Variants in STC2 observed in about 807,000 individuals in gnomAD.
STC2 encodes the protein stanniocalcin-2.
STC2 carries 7 observed loss-of-function variants against 22.7 expected under a neutral mutation model. The ratio of observed to expected loss-of-function variants is 0.31; its 90% confidence interval spans 0.18 to 0.58. The LOEUF (loss-of-function observed/expected upper bound fraction) is 0.58. STC2 is among the 20% of genes least tolerant of loss of function. The probability of loss-of-function intolerance (pLI) is 0.89; values close to 1 mark genes in which losing one functional copy is unlikely to be tolerated. For missense variants in STC2, 336 were observed against 406.2 expected (o/e 0.83, Z 1.48); for synonymous variants, 158 against 163.4 (o/e 0.97, Z 0.25).
At chr5:173,326,319 A>G (rs1762545439) in intron 1 of STC2, among the ~76,000 whole-genome samples, 1 of 152,182 alleles carries the variant, frequency 6.6e-6, no homozygotes, top group African/African-American at 2.4e-5. Flanking sequence ...ATTTGTGGGA[A>G]TACTTAGTTT....
Position 173,325,990 on chromosome 5 carries a change from C to A in STC2, c.172G>T (p.Val58Phe). 1.9e-6 allele frequency: 3 copies of A among 1,614,140 alleles called. No individual in the cohort carries two copies. The highest frequency in any genetic ancestry group is 2.5e-6 in the Non-Finnish European group (3 of 1,180,040). The change falls in exon 2 of 4, where the codon GTC (valine) becomes TTC (phenylalanine). Residue 58 changes from valine (V) to phenylalanine (F), a missense_variant. Around this residue, in one of 3 missense-constraint regions of STC2, gnomAD observed 99 missense variants for 122.7 expected, o/e 0.81. Transcript: ENST00000265087. The surrounding 1 kb of genome is among the most constrained non-coding windows in gnomAD (Gnocchi z 4.7). ...CCACACCCCACATCGCCAGCGTTGA[C>A]CAAACAGTGCTGGATCTCCGCTAAA... is the stretch of plus-strand genomic sequence containing the variant. ...QNTAEIQHCL[V>F]NAGDVGCGVF...
At chr5:173,327,452 C>G (rs2113142663) in intron 1 of STC2, among the ~76,000 whole-genome samples, 1 of 152,382 alleles carries the variant, frequency 6.6e-6, no homozygotes, top group East Asian at 1.9e-4. Flanking sequence ...TGGCCAGGAG[C>G]TGGGGATGGC....
Position 173,323,630 on chromosome 5 carries a change from C to T in STC2, c.295-200G>A, listed in dbSNP as rs1348400170. On this transcript the variant is annotated intron_variant, in intron 2 of 3. Transcript: ENST00000265087. The surrounding 1 kb of genome is among the most constrained non-coding windows in gnomAD (Gnocchi z 5.4). ...GCACGTCCAGAGTGACATGACACCC[C>T]CAGCACTGGGCAACAAGGGATGTTC... is the stretch of plus-strand genomic sequence containing the variant. Among the ~76,000 whole-genome samples, 2 of 152,204 alleles carry T rather than the reference C, an allele frequency of 1.3e-5. No homozygotes were observed. The highest frequency in any genetic ancestry group is 4.8e-5 in the African/African-American group (2 of 41,446).
intron 1 of STC2, 149 bp downstream of exon 1, chr5:173,327,894 G>C (rs555619466): frequency 1.9e-6 from 2 of 1,049,414 alleles, no homozygotes; most frequent in East Asian, 3.1e-5. Context: ...GCCTTGCCTC[G>C]CGCTTCCCTT....
At chr5:173,327,787 C>G (rs1214417991) in intron 1 of STC2, among the ~76,000 whole-genome samples, 2 of 152,232 alleles carry the variant, frequency 1.3e-5, no homozygotes, top group South Asian at 2.1e-4. Flanking sequence ...CATTTCCCCT[C>G]GACCCTGGGG....
intron 3 of STC2, among the ~76,000 whole-genome samples, chr5:173,320,533 G>A (rs1247171945): frequency 6.6e-6 from 1 of 152,192 alleles, no homozygotes; most frequent in Non-Finnish European, 1.5e-5. Flanking sequence ...ATACTTGGAG[G>A]GGGATGTGCC....
Position 173,317,702 on chromosome 5 carries a change from G to A in STC2, c.*145C>T, listed in dbSNP as rs1762438177. ...GGTCTCCATCTCACCTGTCCGTTCC[G>A]CGAACACACACCTCGATGAAGTCCA... On this transcript the variant is annotated 3_prime_UTR_variant, in exon 4 of 4. Coordinates refer to ENST00000265087, the MANE Select transcript of STC2 (RefSeq NM_003714.3). 2.6e-6 allele frequency: 3 copies of A among 1,167,950 alleles called. No homozygotes were observed. The highest frequency in any genetic ancestry group is 1.2e-6 in the Non-Finnish European group (1 of 859,228). 72.3% of individuals were successfully genotyped at this position (1,167,950 alleles called of 1,614,324 possible). A position where few individuals can be genotyped will look rare whatever the true frequency, so the allele number is the denominator to read the frequency against.
intron 1 of STC2, among the ~76,000 whole-genome samples, chr5:173,327,643 T>C (rs1467366660): frequency 6.6e-6 from 1 of 152,156 alleles, no homozygotes; most frequent in East Asian, 1.9e-4. Context: ...GAAGAGAAGT[T>C]CTCCGGGCGC....
intron 1 of STC2, among the ~76,000 whole-genome samples, chr5:173,327,568 TG>T (rs1762565463): frequency 6.6e-6 from 1 of 152,232 alleles, no homozygotes; most frequent in Non-Finnish European, 1.5e-5. Flanking sequence ...GGCAAAGTTC[TG>T]GGATGTCGGG....
chr5:173,327,981 G>T, intron 1 of STC2, 62 bp downstream of exon 1: 1 of 1,389,134 alleles, frequency 7.2e-7, no homozygotes, highest in Non-Finnish European at 9.4e-7. Context: ...CCTGGGGCGC[G>T]CCGCGTGGGT....
rs1235506361 is a variant in STC2 at position 173,325,802 on chromosome 5, T to A, written c.294+66A>T. On this transcript the variant is annotated intron_variant, in intron 2 of 3. Coordinates refer to ENST00000265087, the MANE Select transcript of STC2 (RefSeq NM_003714.3). This position sits in a 1 kb window ranked among gnomAD's most constrained non-coding sequence, Gnocchi z 4.7. The stretch of plus-strand genomic sequence containing the variant: ...CAAAGGAAGTTGGTTAACAAGGCTT[T>A]CCAATGAACGTTTCAATCATGTATG... 2 of 1,603,754 alleles carry A rather than the reference T, an allele frequency of 1.2e-6. No individual in the cohort carries two copies. Among genetic ancestry groups the A allele is most frequent in the Admixed American group, 1.7e-5 (1 of 59,718 alleles).
chr5:173,317,713 C>T lies in STC2; in HGVS notation c.*134G>A, dbSNP rs966156304. ...CACCTGTCCGTTCCGCGAACACACA[C>T]CTCGATGAAGTCCACAGTCCCCACA... On this transcript the variant is annotated 3_prime_UTR_variant, in exon 4 of 4. Transcript: ENST00000265087. The T allele has an allele frequency of 2.5e-5, 31 of 1,265,290 alleles. No homozygotes were observed. In the African/African-American group the frequency reaches 4.2e-4, roughly 17 times the overall value. 78.4% of individuals were successfully genotyped at this position (1,265,290 alleles called of 1,614,324 possible).
chr5:173,323,232 A>G lies in STC2; in HGVS notation c.493T>C (p.Leu165=), dbSNP rs147265120. Residue 165 remains leucine (L), a synonymous_variant, in exon 3 of 4, where the codon TTG becomes CTG. Coordinates refer to ENST00000265087, the MANE Select transcript of STC2 (RefSeq NM_003714.3). This position sits in a 1 kb window ranked among gnomAD's most constrained non-coding sequence, Gnocchi z 5.4. ...VIVEMIHFKD[L]LLHEPYVDLV... ...GGCAGTACTCACTCGTGCAGCAGCA[A>G]GTCCTTGAAATGGATCATCTCCACT... 6.1e-3 allele frequency: 9,924 copies of G among 1,614,166 alleles called. 43 individuals are homozygous for G. The highest frequency in any genetic ancestry group is 6.8e-3 in the Non-Finnish European group (8,040 of 1,180,030).
chr5:173,325,738 C>T lies in STC2; in HGVS notation c.294+130G>A. 7.9e-7 allele frequency: 1 copy of T among 1,261,786 alleles called. No individual in the cohort carries two copies. The highest frequency in any genetic ancestry group is 1.8e-5 in the Admixed American group (1 of 54,934). The allele number at this position is 1,261,786 out of a possible 1,614,324, so 78.2% of individuals were successfully genotyped here. ...ACTGGCATAATGTTTTATACCTAGACTGTCGCTTGCAAGCACTAAAACACA... is the reference window on the plus strand; with the variant it reads ...ACTGGCATAATGTTTTATACCTAGATTGTCGCTTGCAAGCACTAAAACACA... On this transcript the variant is annotated intron_variant, in intron 2 of 3. Transcript: ENST00000265087. This position sits in a 1 kb window ranked among gnomAD's most constrained non-coding sequence, Gnocchi z 4.7.
In STC2 at chr5:173,315,939, G is replaced by C. The variant is rs1299675879; in HGVS notation, c.*1908C>G. The C allele has an allele frequency of 6.6e-6, 1 of 152,250 alleles. No individual in the cohort carries two copies. The highest frequency in any genetic ancestry group is 1.9e-4 in the East Asian group (1 of 5,202). The allele number at this position is 152,250 out of a possible 1,614,324, so 9.4% of individuals were successfully genotyped here. On this transcript the variant is annotated 3_prime_UTR_variant, in exon 4 of 4. Transcript: ENST00000265087. Reference sequence around the variant, plus strand: ...GATTCCCCTCCCCACCCAACCGCCGGCATGGATCATGAAAGACTGGGATTG... The same window carrying C: ...GATTCCCCTCCCCACCCAACCGCCGCCATGGATCATGAAAGACTGGGATTG...
Position 173,323,551 on chromosome 5 carries a change from G to A in STC2, c.295-121C>T. ...GATATTTCTGACATCAGAACCCCAA[G>A]GCCCCACCAGAGACGGACGTCCTCC... On this transcript the variant is annotated intron_variant, in intron 2 of 3. Coordinates refer to ENST00000265087, the MANE Select transcript of STC2 (RefSeq NM_003714.3). The surrounding 1 kb of genome is among the most constrained non-coding windows in gnomAD (Gnocchi z 5.4). 1 of 970,802 alleles carries A rather than the reference G, an allele frequency of 1.0e-6. No homozygotes were observed. Among genetic ancestry groups the A allele is most frequent in the Non-Finnish European group, 1.5e-6 (1 of 651,118 alleles). 60.1% of individuals were successfully genotyped at this position (970,802 alleles called of 1,614,324 possible).
At position 173,318,123 on chromosome 5, in the gene STC2, G is replaced by A. The variant is rs1762447135; in HGVS notation, c.633C>T (p.Cys211=). The change falls in exon 4 of 4, where the codon TGC becomes TGT. Residue 211 remains cysteine, a synonymous_variant. Transcript: ENST00000265087. ...TGGGAGGCTTCTGGATGGCCGAGGT[G>A]CAGAAGCTCAAGATGGAGCACAGGC... ...WGSLCSILSF[C]TSAIQKPPTA... is the part of the protein sequence containing the mutation. The A allele has an allele frequency of 6.2e-7, 1 of 1,610,522 alleles. No homozygotes were observed. Among genetic ancestry groups the A allele is most frequent in the Non-Finnish European group, 8.5e-7 (1 of 1,178,726 alleles).
chr5:173,326,086 A>G (rs10076089), intron 1 of STC2, 76 bp from the exon 2 acceptor site: 105,919 of 1,507,954 alleles, frequency 0.07, 4,253 homozygotes, highest in African/African-American at 0.15. Context: ...CATTTGAAAT[A>G]AAAGTTAACA....
At chr5:173,326,108 A>C (rs1434807241) in intron 1 of STC2, 98 bp from the exon 2 acceptor site, 9 of 1,393,736 alleles carry the variant, frequency 6.5e-6, no homozygotes, top group Non-Finnish European at 8.8e-6. Context: ...CTAAAGGAAA[A>C]TTTAAGGAGG....
Sources: allele counts gnomAD v4.1 joint callset (sites outside exome capture counted in the v4.1 genomes callset), GRCh38; gene constraint gnomAD v4.1.1; regional missense constraint gnomAD v4.1.1; non-coding constraint Gnocchi (gnomAD v3.1); transcripts MANE v1.5; gene names NCBI Gene and HGNC (gene_info 2026-07-23, HGNC 2026-07-21).